ADGRV1: variants seen among roughly 807,000 people sequenced by gnomAD.
ADGRV1 encodes the protein adhesion G protein-coupled receptor V1.
A neutral mutation model predicts 596.2 loss-of-function variants in ADGRV1; 359 were observed. The ratio of observed to expected loss-of-function variants is 0.60; its 90% CI spans 0.55 to 0.66. The LOEUF is 0.66. Ranked by LOEUF, ADGRV1 falls within the 30% of genes least tolerant of loss-of-function variation. The pLI, the probability that ADGRV1 is intolerant of heterozygous loss-of-function variation, is 0.00. For missense variants in ADGRV1, 7,274 were observed against 7,575.6 expected (o/e 0.96, Z 1.48); for synonymous variants, 2,681 against 2,679.2 (o/e 1.00, Z -0.02).
At chr5:90,745,406 A>G in intron 51 of ADGRV1, 141 bp downstream of exon 51, 4 of 710,674 alleles carry the variant, frequency 5.6e-6, no homozygotes, top group South Asian at 2.1e-5. Context: ...GTTATTATCC[A>G]TGTTTCTAAT....
chr5:90,785,117 A>G (rs1208555439), intron 67 of ADGRV1, among the ~76,000 whole-genome samples: 1 of 151,666 alleles, frequency 6.6e-6, no homozygotes, highest in Non-Finnish European at 1.5e-5. Context: ...ATAACACCAC[A>G]CATCTACAAC....
At chr5:91,145,760 A>T (rs781654980) in intron 87 of ADGRV1, among the ~76,000 whole-genome samples, 48 of 152,156 alleles carry the variant, frequency 3.2e-4, no homozygotes, top group Non-Finnish European at 3.8e-4. Flanking sequence ...TTTAAAACAT[A>T]TTTTTTTAAC....
chr5:90,574,037 GCTGTTTTGGTTACTGT>G (rs543532508), intron 1 of ADGRV1, among the ~76,000 whole-genome samples: 169 of 152,174 alleles, frequency 1.1e-3, no homozygotes, highest in African/African-American at 4.0e-3. Context: ...CCAGTAACAA[GCTGTTTTGGTTACTGT>G]GGCTTTATAG....
intron 84 of ADGRV1, among the ~76,000 whole-genome samples, chr5:90,979,593 C>CATTG (rs1702540944): frequency 6.6e-6 from 1 of 152,212 alleles, no homozygotes; most frequent in African/African-American, 2.4e-5. Context: ...GCTGTTCTTT[C>CATTG]ATTGCCTCAG....
chr5:90,770,328 GC>G (rs1757560781), intron 59 of ADGRV1, among the ~76,000 whole-genome samples: 1 of 152,008 alleles, frequency 6.6e-6, no homozygotes, highest in Non-Finnish European at 1.5e-5. Flanking sequence ...AACACCTCCC[GC>G]CAGGTCCCTC....
At chr5:90,713,722 A>G (rs1221260182) in intron 42 of ADGRV1, among the ~76,000 whole-genome samples, 3 of 152,172 alleles carry the variant, frequency 2.0e-5, no homozygotes, top group South Asian at 2.1e-4. Flanking sequence ...TGCATTTCAT[A>G]TAACAGGAAA....
intron 3 of ADGRV1, among the ~76,000 whole-genome samples, chr5:90,618,259 A>G (rs191531400): frequency 6.6e-6 from 1 of 152,140 alleles, no homozygotes; most frequent in African/African-American, 2.4e-5. Context: ...CTCCCCTGCT[A>G]CCAAATGTAC....
chr5:90,777,848 T>C (rs553055996), intron 61 of ADGRV1, 57 bp from the exon 62 acceptor site: 284 of 1,448,672 alleles, frequency 2.0e-4, no homozygotes, highest in East Asian at 6.3e-4. Context: ...GAGAAAATGT[T>C]TAAGAAAAGT....
intron 75 of ADGRV1, among the ~76,000 whole-genome samples, chr5:90,819,327 T>C (rs1763237227): frequency 6.6e-6 from 1 of 151,710 alleles, no homozygotes; most frequent in South Asian, 2.1e-4. Context: ...TTAGTCTTGC[T>C]AGCGGTCTAT....
chr5:91,112,966 A>C (rs2126703515), intron 87 of ADGRV1, among the ~76,000 whole-genome samples: 1 of 152,322 alleles, frequency 6.6e-6, no homozygotes, highest in Middle Eastern at 3.4e-3. Context: ...TGTTTATCTC[A>C]GGATATATAT....
At chr5:90,784,192 C>A in intron 67 of ADGRV1, 135 bp downstream of exon 67, 2 of 622,962 alleles carry the variant, frequency 3.2e-6, no homozygotes, top group Non-Finnish European at 5.4e-6. Context: ...ATGTGTACAG[C>A]AGCTTTTGAG....
intron 86 of ADGRV1, among the ~76,000 whole-genome samples, chr5:91,100,109 A>G (rs1354209844): frequency 6.6e-6 from 1 of 152,140 alleles, no homozygotes; most frequent in African/African-American, 2.4e-5. Flanking sequence ...CCTGCTAGGG[A>G]CAACTTGGCA....
intron 1 of ADGRV1, among the ~76,000 whole-genome samples, chr5:90,578,909 A>G (rs893074357): frequency 2.0e-4 from 31 of 152,080 alleles, no homozygotes; most frequent in African/African-American, 7.0e-4. Context: ...AGAGGTGTTT[A>G]TAGTATTCTC....
At chr5:91,066,473 T>A (rs939332966) in intron 85 of ADGRV1, among the ~76,000 whole-genome samples, 1 of 152,194 alleles carries the variant, frequency 6.6e-6, no homozygotes, top group African/African-American at 2.4e-5. Context: ...TTGGGAGAAA[T>A]TTTATTATAC....
chr5:90,925,713 T>A (rs1774365593), intron 83 of ADGRV1, among the ~76,000 whole-genome samples: 1 of 139,156 alleles, frequency 7.2e-6, no homozygotes, highest in Admixed American at 7.3e-5. Flanking sequence ...TTACGCCAGT[T>A]TTCAAAGGGA....
intron 59 of ADGRV1, among the ~76,000 whole-genome samples, chr5:90,767,108 GAATAGCCAGC>G (rs1420035956): frequency 2.0e-5 from 3 of 152,104 alleles, no homozygotes; most frequent in African/African-American, 7.2e-5. Context: ...AAAATGCCAA[GAATAGCCAGC>G]AACTCACAAA....
At chr5:90,643,647 T>G in intron 13 of ADGRV1, among the ~76,000 whole-genome samples, 156 bp from the exon 14 acceptor site, 1 of 152,222 alleles carries the variant, frequency 6.6e-6, no homozygotes, top group East Asian at 1.9e-4. Flanking sequence ...AGGAGAATGT[T>G]AATTTTTAAA....
At chr5:90,921,777 C>T (rs1450185637) in intron 83 of ADGRV1, among the ~76,000 whole-genome samples, 5 of 151,172 alleles carry the variant, frequency 3.3e-5, no homozygotes, top group African/African-American at 4.9e-5. Flanking sequence ...TAAGACCAAA[C>T]CCAATAAAGT....
At chr5:90,678,005 C>T (rs749590084) in intron 25 of ADGRV1, among the ~76,000 whole-genome samples, 9 of 152,144 alleles carry the variant, frequency 5.9e-5, no homozygotes, top group African/African-American at 9.7e-5. Flanking sequence ...AGATGTCTTA[C>T]GCTAGCCAAA....
Sources: gnomAD v4.1 joint callset for allele counts (sites outside exome capture counted in the v4.1 genomes callset) on GRCh38, gnomAD v4.1.1 for gene constraint, MANE v1.5 for transcripts, NCBI Gene and HGNC (gene_info 2026-07-23, HGNC 2026-07-21) for gene names.